Variants in CSNK2A2IP observed in about 807,000 individuals in gnomAD.
CSNK2A2IP encodes casein kinase II subunit alpha'-interacting protein.
the CSNK2A2IP span, among the ~76,000 whole-genome samples, chr3:88,357,444 T>TGCTTTTGTGCCA: frequency 6.6e-6 from 1 of 152,196 alleles, no homozygotes; most frequent in Non-Finnish European, 1.5e-5. Flanking sequence ...ATTTTGTGTC[T>TGCTTTTGTGCCA]GCTTTTGTGC....
the CSNK2A2IP span, among the ~76,000 whole-genome samples, chr3:88,407,793 G>A: frequency 1.3e-5 from 2 of 151,832 alleles, no homozygotes; most frequent in Admixed American, 6.6e-5. Flanking sequence ...GCGCGATCTC[G>A]GCTCACTGCA....
chr3:88,418,291 G>A, the CSNK2A2IP span, among the ~76,000 whole-genome samples: 5 of 152,222 alleles, frequency 3.3e-5, no homozygotes, highest in South Asian at 1.0e-3. Context: ...TTTAAAAAAA[G>A]AAAAAGATCG....
the CSNK2A2IP span, among the ~76,000 whole-genome samples, chr3:88,422,714 G>A: frequency 3.3e-5 from 5 of 152,126 alleles, no homozygotes; most frequent in Admixed American, 3.3e-4. Context: ...AACACAAAGA[G>A]TTTGAGTAAA....
At chr3:88,391,351 T>C in the CSNK2A2IP span, among the ~76,000 whole-genome samples, 2 of 152,228 alleles carry the variant, frequency 1.3e-5, no homozygotes, top group Admixed American at 6.5e-5. Context: ...CAACCTACTC[T>C]GTGCTACACA....
At chr3:88,451,234 T>G in the CSNK2A2IP span, among the ~76,000 whole-genome samples, 1 of 152,110 alleles carries the variant, frequency 6.6e-6, no homozygotes, top group Non-Finnish European at 1.5e-5. Flanking sequence ...GAGAACATTA[T>G]GCTAAGTGAA....
chr3:88,417,410 A>G, the CSNK2A2IP span, among the ~76,000 whole-genome samples: 2 of 152,144 alleles, frequency 1.3e-5, no homozygotes, highest in Non-Finnish European at 2.9e-5. Flanking sequence ...CTGGTTGAGG[A>G]GGCATCCCGT....
the CSNK2A2IP span, among the ~76,000 whole-genome samples, chr3:88,368,493 T>C: frequency 2.6e-4 from 40 of 152,034 alleles, no homozygotes; most frequent in East Asian, 5.8e-3. Context: ...AAAGAGACCT[T>C]AAGAAGTAGT....
the CSNK2A2IP span, among the ~76,000 whole-genome samples, chr3:88,373,322 A>G: frequency 6.6e-6 from 1 of 151,508 alleles, no homozygotes; most frequent in South Asian, 2.1e-4. Flanking sequence ...AATTAATAGT[A>G]AAGACATATG....
At chr3:88,430,471 C>G in the CSNK2A2IP span, among the ~76,000 whole-genome samples, 4 of 151,940 alleles carry the variant, frequency 2.6e-5, no homozygotes, top group African/African-American at 9.7e-5. Context: ...ATGGAAGTTG[C>G]TGAAGAGTCA....
At chr3:88,457,394 T>G in the CSNK2A2IP span, among the ~76,000 whole-genome samples, 1 of 151,960 alleles carries the variant, frequency 6.6e-6, no homozygotes, top group Non-Finnish European at 1.5e-5. Flanking sequence ...TATTGATGCA[T>G]AGTTGCTTTT....
At chr3:88,464,209 T>G in the CSNK2A2IP span, among the ~76,000 whole-genome samples, 1 of 151,546 alleles carries the variant, frequency 6.6e-6, no homozygotes, top group Non-Finnish European at 1.5e-5. Flanking sequence ...ATATACCTAA[T>G]GCTAAATGAC....
the CSNK2A2IP span, among the ~76,000 whole-genome samples, chr3:88,460,309 G>A: frequency 6.6e-6 from 1 of 151,968 alleles, no homozygotes; most frequent in Non-Finnish European, 1.5e-5. Flanking sequence ...TCTGAAACTG[G>A]GACACATTCA....
the CSNK2A2IP span, among the ~76,000 whole-genome samples, chr3:88,400,680 G>T: frequency 6.6e-6 from 1 of 152,088 alleles, no homozygotes; most frequent in African/African-American, 2.4e-5. Flanking sequence ...CACAAACTAG[G>T]AATTATAGGT....
the CSNK2A2IP span, among the ~76,000 whole-genome samples, chr3:88,436,412 A>T: frequency 3.3e-5 from 5 of 152,106 alleles, no homozygotes; most frequent in Non-Finnish European, 7.4e-5. Context: ...GGAAATATAA[A>T]TTAATTTTTT....
chr3:88,340,681 G>A, the CSNK2A2IP span, among the ~76,000 whole-genome samples: 1 of 151,912 alleles, frequency 6.6e-6, no homozygotes, highest in East Asian at 1.9e-4. Context: ...AGCTTTAAGG[G>A]CTAATGAATA....
the CSNK2A2IP span, among the ~76,000 whole-genome samples, chr3:88,370,066 G>A: frequency 1.3e-5 from 2 of 151,936 alleles, no homozygotes; most frequent in African/African-American, 4.8e-5. Context: ...TTTGATTCCA[G>A]GCAAGTTAGT....
chr3:88,467,312 CCT>C, the CSNK2A2IP span: 1 of 399,864 alleles, frequency 2.5e-6, no homozygotes, highest in Non-Finnish European at 4.4e-6. Context: ...TCATCCTCTT[CCT>C]CTCCTTCCAA....
chr3:88,377,496 CT>C, the CSNK2A2IP span, among the ~76,000 whole-genome samples: 58,619 of 149,038 alleles, frequency 0.39, 14,057 homozygotes, highest in South Asian at 0.6. Context: ...ATTACAATTG[CT>C]TTTTTTTTTC....
chr3:88,456,614 T>C, the CSNK2A2IP span, among the ~76,000 whole-genome samples: 1 of 151,866 alleles, frequency 6.6e-6, no homozygotes, highest in Non-Finnish European at 1.5e-5. Flanking sequence ...GTTTTCTATG[T>C]ATGATTATGT....
Sources: allele counts gnomAD v4.1 joint callset (sites outside exome capture counted in the v4.1 genomes callset), GRCh38; gene constraint gnomAD v4.1.1; transcripts MANE v1.5; gene names NCBI Gene and HGNC (gene_info 2026-07-23, HGNC 2026-07-21).